The following RORA variants were observed in gnomAD, a reference collection of about 807,000 sequenced individuals.
The protein encoded by RORA is nuclear receptor ROR-alpha.
RORA carries 7 observed loss-of-function variants against 69.5 expected under a neutral mutation model. That is an observed-to-expected ratio of 0.10 (90% CI 0.06 to 0.19). The LOEUF (loss-of-function observed/expected upper bound fraction) is 0.19. Among genes scored for constraint, RORA ranks in the 10% least tolerant of loss-of-function variants. The probability of loss-of-function intolerance (pLI) is 1.00; values close to 1 mark genes in which losing one functional copy is unlikely to be tolerated. For missense variants in RORA, 457 were observed against 663.0 expected, an observed-to-expected ratio of 0.69 and a Z score of 3.41; for synonymous variants, 261 against 240.8, an observed-to-expected ratio of 1.08 and a Z score of -0.78.
chr15:60,688,210 A>G (rs2070774366), intron 1 of RORA, among the ~76,000 whole-genome samples: 1 of 152,146 alleles, frequency 6.6e-6, no homozygotes, highest in Non-Finnish European at 1.5e-5. Context: ...ATTATGAGAA[A>G]CAAAAAAATT....
At chr15:60,604,289 G>A (rs1464515747) in intron 2 of RORA, among the ~76,000 whole-genome samples, 3 of 152,162 alleles carry the variant, frequency 2.0e-5, no homozygotes, top group Non-Finnish European at 4.4e-5. Flanking sequence ...GACGCTGTGT[G>A]CACATACTTG....
At chr15:60,840,545 A>G (rs2073182443) in intron 1 of RORA, among the ~76,000 whole-genome samples, 1 of 152,252 alleles carries the variant, frequency 6.6e-6, no homozygotes, top group Non-Finnish European at 1.5e-5. Flanking sequence ...AAGATGGTTC[A>G]GGACTCTGGA....
chr15:60,846,422 T>G (rs1169215472), intron 1 of RORA, among the ~76,000 whole-genome samples: 1 of 152,188 alleles, frequency 6.6e-6, no homozygotes, highest in African/African-American at 2.4e-5. Context: ...CACTATCACG[T>G]CCTTATAATT....
At chr15:61,139,720 G>T (rs919933943) in intron 1 of RORA, among the ~76,000 whole-genome samples, 1 of 152,138 alleles carries the variant, frequency 6.6e-6, no homozygotes, top group African/African-American at 2.4e-5. Flanking sequence ...CGAGAGAGTC[G>T]ACTACTCCTG....
intron 1 of RORA, among the ~76,000 whole-genome samples, chr15:61,033,091 A>G (rs1896258578): frequency 6.6e-6 from 1 of 152,192 alleles, no homozygotes; most frequent in Admixed American, 6.5e-5. Flanking sequence ...TGTTCAAACC[A>G]AAGGCTATCA....
At chr15:60,926,856 T>C (rs1165298934) in intron 1 of RORA, among the ~76,000 whole-genome samples, 1 of 152,224 alleles carries the variant, frequency 6.6e-6, no homozygotes, top group African/African-American at 2.4e-5. Flanking sequence ...AATTAATCCA[T>C]GTATGTAAGT....
intron 1 of RORA, among the ~76,000 whole-genome samples, chr15:60,955,319 A>C (rs1036391351): frequency 2.0e-5 from 3 of 152,192 alleles, no homozygotes; most frequent in Admixed American, 2.0e-4. Context: ...AACAAACAAA[A>C]AAATAATTGT....
At chr15:60,809,378 G>C (rs2072709638) in intron 1 of RORA, among the ~76,000 whole-genome samples, 1 of 152,102 alleles carries the variant, frequency 6.6e-6, no homozygotes, top group Admixed American at 6.6e-5. Flanking sequence ...AGTTGTACCT[G>C]CACGTTAAAG....
At chr15:60,891,397 G>A (rs569456171) in intron 1 of RORA, among the ~76,000 whole-genome samples, 1 of 152,228 alleles carries the variant, frequency 6.6e-6, no homozygotes, top group South Asian at 2.1e-4. Flanking sequence ...ATGGGCAGCT[G>A]CTCTGAATAT....
intron 3 of RORA, among the ~76,000 whole-genome samples, chr15:60,521,241 A>T (rs1462880881): frequency 2.1e-5 from 3 of 143,932 alleles, no homozygotes; most frequent in African/African-American, 8.4e-5. Flanking sequence ...AAAGAAAAAA[A>T]TTGTCATTTT....
chr15:60,499,691 G>A (rs1444337703), intron 10 of RORA, among the ~76,000 whole-genome samples: 1 of 152,152 alleles, frequency 6.6e-6, no homozygotes, highest in Non-Finnish European at 1.5e-5. Flanking sequence ...TGTAATCAAC[G>A]ATAGTAAGTA....
chr15:60,590,807 T>C (rs1312759243), intron 2 of RORA, among the ~76,000 whole-genome samples: 1 of 152,178 alleles, frequency 6.6e-6, no homozygotes, highest in Non-Finnish European at 1.5e-5. Context: ...CACGGGAGGT[T>C]TCCTCTCTTT....
chr15:60,888,110 T>A (rs1173283224), intron 1 of RORA, among the ~76,000 whole-genome samples: 1 of 152,242 alleles, frequency 6.6e-6, no homozygotes, highest in Admixed American at 6.5e-5. Context: ...CCAACTTCTC[T>A]TCTTGCCTCA....
intron 1 of RORA, among the ~76,000 whole-genome samples, chr15:61,026,360 T>C (rs1197467467): frequency 6.6e-6 from 1 of 152,258 alleles, no homozygotes; most frequent in Non-Finnish European, 1.5e-5. Flanking sequence ...TATTTTGGGA[T>C]GTATTTTGCT....
chr15:61,063,890 T>A (rs1595936348), intron 1 of RORA, among the ~76,000 whole-genome samples: 1 of 152,150 alleles, frequency 6.6e-6, no homozygotes, highest in East Asian at 1.9e-4. Context: ...CTACTGAAAC[T>A]GGGAAAATGC....
chr15:60,758,190 T>C (rs182221139), intron 1 of RORA, among the ~76,000 whole-genome samples: 1 of 152,238 alleles, frequency 6.6e-6, no homozygotes, highest in Non-Finnish European at 1.5e-5. Flanking sequence ...TCCAGCACAA[T>C]GCCTGGCACA....
chr15:60,568,557 G>A (rs2067782804), intron 2 of RORA, among the ~76,000 whole-genome samples: 1 of 152,136 alleles, frequency 6.6e-6, no homozygotes, highest in Non-Finnish European at 1.5e-5. Flanking sequence ...AAGGCACTGG[G>A]GAAGTCTAGT....
At chr15:61,175,541 TAAA>T (rs75174095) in intron 1 of RORA, among the ~76,000 whole-genome samples, 1 of 120,202 alleles carries the variant, frequency 8.3e-6, no homozygotes. Flanking sequence ...ATCCTGTTTC[TAAA>T]AAAAAAAAAA....
intron 1 of RORA, among the ~76,000 whole-genome samples, chr15:60,959,014 C>T (rs1252474383): frequency 2.0e-5 from 3 of 152,180 alleles, no homozygotes; most frequent in Non-Finnish European, 4.4e-5. Context: ...AAACACCATC[C>T]AAGTCTGAAA....
Sources: gnomAD v4.1 joint callset for allele counts (sites outside exome capture counted in the v4.1 genomes callset) on GRCh38, gnomAD v4.1.1 for gene constraint, MANE v1.5 for transcripts, NCBI Gene and HGNC (gene_info 2026-07-23, HGNC 2026-07-21) for gene names.